The following IMMP2L variants were observed in gnomAD, a reference collection of about 807,000 sequenced individuals.
IMMP2L encodes the protein inner mitochondrial membrane peptidase subunit 2.
A neutral mutation model predicts 19.3 loss-of-function variants in IMMP2L; 18 were observed. The observed-to-expected ratio is 0.93, with a 90% confidence interval of 0.64 to 1.38. IMMP2L has a LOEUF of 1.38. Ranked by LOEUF, IMMP2L falls within the 40% of genes most tolerant of loss-of-function variation. The probability of loss-of-function intolerance (pLI) is 0.00; values close to 1 mark genes in which losing one functional copy is unlikely to be tolerated. For missense variants in IMMP2L, 233 were observed against 218.2 expected, an observed-to-expected ratio of 1.07 and a Z score of -0.43; for synonymous variants, 76 against 73.0, an observed-to-expected ratio of 1.04 and a Z score of -0.21.
Position 110,829,239 on chromosome 7 carries a change from T to C in IMMP2L, c.408+57354A>G, listed in dbSNP as rs184051626. 6.8e-4 allele frequency among the ~76,000 whole-genome samples: 104 copies of C among 152,162 alleles called. 1 individual carries two copies. Among genetic ancestry groups the C allele is most frequent in the Admixed American group, 2.4e-3 (37 of 15,282 alleles). On this transcript the variant is annotated intron_variant, in intron 5 of 5. Coordinates refer to ENST00000405709, the MANE Select transcript of IMMP2L (RefSeq NM_032549.4). ...TAAACTCCCCAATCAGGTTAGAAAA[T>C]GTAGATGGAAGACTAAAACAGACAT... is the stretch of plus-strand genomic sequence containing the variant.
intron 3 of IMMP2L, among the ~76,000 whole-genome samples, chr7:111,050,564 C>T (rs1432958487): frequency 6.6e-6 from 1 of 152,104 alleles, no homozygotes; most frequent in Non-Finnish European, 1.5e-5. Flanking sequence ...TTTTTTGCTG[C>T]TTTTTGCCTG....
At chr7:111,334,463 A>C (rs982773193) in intron 3 of IMMP2L, among the ~76,000 whole-genome samples, 1 of 152,092 alleles carries the variant, frequency 6.6e-6, no homozygotes, top group African/African-American at 2.4e-5. Flanking sequence ...TGCATGCATC[A>C]GTTGATTGGC....
At chr7:110,683,291 A>G (rs1056453282) in intron 5 of IMMP2L, among the ~76,000 whole-genome samples, 10 of 152,140 alleles carry the variant, frequency 6.6e-5, no homozygotes, top group African/African-American at 2.4e-4. Context: ...TAATGGAAAT[A>G]AACGTTGTTA....
At chr7:111,500,745 G>C (rs1336268797) in intron 2 of IMMP2L, among the ~76,000 whole-genome samples, 2 of 152,154 alleles carry the variant, frequency 1.3e-5, no homozygotes, top group Non-Finnish European at 2.9e-5. Flanking sequence ...AACTCCAACA[G>C]ACCTGCAGCT....
Position 110,753,791 on chromosome 7 carries a change from G to C in IMMP2L, c.409-90070C>G, listed in dbSNP as rs1240973885. Among the ~76,000 whole-genome samples the C allele has an allele frequency of 2.6e-5, 4 of 151,100 alleles. No individual in the cohort carries two copies. In the East Asian group the frequency reaches 7.8e-4, roughly 29 times the overall value. On this transcript the variant is annotated intron_variant, in intron 5 of 5. Transcript: ENST00000405709. ...GTGTGTGTGTGTGTGGTTAGTAGAA[G>C]ACGAAAAAAGACAAAATAGGGCGGG...
At chr7:111,512,860 G>A (rs974751782) in intron 2 of IMMP2L, among the ~76,000 whole-genome samples, 10 of 152,068 alleles carry the variant, frequency 6.6e-5, no homozygotes, top group Admixed American at 6.6e-5. Flanking sequence ...GAAAGAATAG[G>A]TTCTTCAATA....
chr7:111,058,370 T>C (rs2129574201), intron 3 of IMMP2L, among the ~76,000 whole-genome samples: 1 of 152,322 alleles, frequency 6.6e-6, no homozygotes, highest in East Asian at 1.9e-4. Context: ...CTTGGCTAGC[T>C]TGTTTGCAAT....
chr7:111,391,991 T>C (rs1832401221), intron 3 of IMMP2L: 1 of 703,088 alleles, frequency 1.4e-6, no homozygotes, highest in Non-Finnish European at 2.6e-6. Flanking sequence ...GTTCAGAAAG[T>C]GTCTCCTTGC....
chr7:111,039,592 C>T (rs1204113770), intron 3 of IMMP2L, among the ~76,000 whole-genome samples: 1 of 152,100 alleles, frequency 6.6e-6, no homozygotes, highest in Non-Finnish European at 1.5e-5. Context: ...GCTCTCCCCC[C>T]TTTGTATTCC....
chr7:111,440,623 C>T lies in IMMP2L; in HGVS notation c.239+46615G>A, dbSNP rs868550822. On this transcript the variant is annotated intron_variant, in intron 3 of 5. Transcript: ENST00000405709. Reference sequence around the variant, plus strand: ...CAGTCAGAGCATATTCAGCATAATGCTTAAGGGGCCTAGGATTTTCAGAGT... The same window carrying T: ...CAGTCAGAGCATATTCAGCATAATGTTTAAGGGGCCTAGGATTTTCAGAGT... Among the ~76,000 whole-genome samples the T allele has an allele frequency of 5.3e-4, 80 of 151,922 alleles. 1 individual carries two copies. The highest frequency in any genetic ancestry group is 1.7e-3 in the African/African-American group (71 of 41,238).
chr7:111,281,200 A>AAG (rs1296373134), intron 3 of IMMP2L, among the ~76,000 whole-genome samples: 139 of 50,466 alleles, frequency 2.8e-3, no homozygotes, highest in African/African-American at 9.4e-3. Context: ...GAAAGAAAGA[A>AAG]AGAAAGAAAG....
intron 3 of IMMP2L, among the ~76,000 whole-genome samples, chr7:111,186,575 C>A (rs10282461): frequency 0.81 from 122,869 of 151,942 alleles, 50,234 homozygotes; most frequent in East Asian, 0.9. Flanking sequence ...ATTACAGGCA[C>A]GTGCCACCAA....
At chr7:110,671,152 C>T (rs1562905057) in intron 5 of IMMP2L, among the ~76,000 whole-genome samples, 1 of 152,188 alleles carries the variant, frequency 6.6e-6, no homozygotes, top group East Asian at 1.9e-4. Context: ...CTTGTAATAA[C>T]TTGCCCCTAT....
rs10261952 is a variant in IMMP2L, at chr7:111,144,321, T to G, written c.240-180756A>C. 9.6e-3 allele frequency among the ~76,000 whole-genome samples: 1,462 copies of G among 152,260 alleles called. 25 individuals carry two copies. The highest frequency in any genetic ancestry group is 0.032 in the African/African-American group (1,336 of 41,556). The stretch of plus-strand genomic sequence containing the variant: ...CTAGTCAATGTCTACCTCACAGGAA[T>G]AGTCGTAAATTCTAGGAACATAGCA... On this transcript the variant is annotated intron_variant, in intron 3 of 5. Transcript: ENST00000405709.
At chr7:110,978,094 A>T (rs550287224) in intron 3 of IMMP2L, among the ~76,000 whole-genome samples, 3 of 152,088 alleles carry the variant, frequency 2.0e-5, no homozygotes, top group Non-Finnish European at 4.4e-5. Context: ...TTCATAGAAC[A>T]TCCTTGAAAG....
At chr7:110,867,304 T>A (rs906023144) in intron 5 of IMMP2L, among the ~76,000 whole-genome samples, 1 of 151,764 alleles carries the variant, frequency 6.6e-6, no homozygotes, top group Non-Finnish European at 1.5e-5. Flanking sequence ...AGGGCACTAA[T>A]CTCATCATGA....
At chr7:111,180,221 T>A (rs1003445187) in intron 3 of IMMP2L, among the ~76,000 whole-genome samples, 1 of 152,098 alleles carries the variant, frequency 6.6e-6, no homozygotes, top group African/African-American at 2.4e-5. Context: ...TTTTACATGC[T>A]TTCCTCACTA....
intron 3 of IMMP2L, among the ~76,000 whole-genome samples, chr7:111,111,929 A>G (rs907947287): frequency 7.0e-6 from 1 of 143,820 alleles, no homozygotes; most frequent in African/African-American, 2.6e-5. Flanking sequence ...ATTTATATAT[A>G]TATATATAGT....
chr7:111,054,238 CAGA>C (rs1431300176), intron 3 of IMMP2L, among the ~76,000 whole-genome samples: 1 of 152,160 alleles, frequency 6.6e-6, no homozygotes, highest in African/African-American at 2.4e-5. Context: ...GCCACTGAGA[CAGA>C]AGATTTTTGA....
Sources: allele counts gnomAD v4.1 joint callset (sites outside exome capture counted in the v4.1 genomes callset), GRCh38; gene constraint gnomAD v4.1.1; transcripts MANE v1.5; gene names NCBI Gene and HGNC (gene_info 2026-07-23, HGNC 2026-07-21).